The following LRP4 variants were observed in gnomAD, a reference collection of about 807,000 sequenced individuals.
LRP4 encodes low-density lipoprotein receptor-related protein 4.
In LRP4, 95 loss-of-function variants were observed where a neutral mutation model predicts 220.3. That is an observed-to-expected ratio of 0.43 (90% CI 0.37 to 0.51). LRP4 has a LOEUF of 0.51. Among genes scored for constraint, LRP4 ranks in the 20% least tolerant of loss-of-function variants. The pLI, the probability that LRP4 is intolerant of heterozygous loss-of-function variation, is 0.00. For missense variants in LRP4, 1,925 were observed against 2,567.0 expected (o/e 0.75, Z 5.40); for synonymous variants, 903 against 954.6 (o/e 0.95, Z 1.00).
intron 1 of LRP4, among the ~76,000 whole-genome samples, chr11:46,904,550 T>G (rs1266749872): frequency 6.6e-6 from 1 of 152,124 alleles, no homozygotes; most frequent in Non-Finnish European, 1.5e-5. Context: ...TTGGGTTCTG[T>G]GAATCCCTGA....
chr11:46,896,072 G>C (rs1183902265), intron 9 of LRP4, 54 bp from the exon 10 acceptor site: 4 of 1,613,246 alleles, frequency 2.5e-6, no homozygotes, highest in Non-Finnish European at 2.5e-6. Context: ...CCCCCAGAGA[G>C]CCAACTTGGC....
Position 46,873,015 on chromosome 11 carries a change from C to A in LRP4, c.4583+85G>T. The A allele has an allele frequency of 6.4e-7, 1 of 1,568,026 alleles. No homozygotes were observed. Among genetic ancestry groups the A allele is most frequent in the Admixed American group, 1.7e-5 (1 of 59,956 alleles). Reference sequence around the variant, plus strand: ...CCCCACATACCAAGAAGCTTTCTATCTTTTCATTTTTCCAAGGTTAATCTC... The same window carrying A: ...CCCCACATACCAAGAAGCTTTCTATATTTTCATTTTTCCAAGGTTAATCTC... On this transcript the variant is annotated intron_variant, in intron 30 of 37. Transcript: ENST00000378623. The surrounding 1 kb of genome is among the most constrained non-coding windows in gnomAD (Gnocchi z 4.2).
intron 1 of LRP4, among the ~76,000 whole-genome samples, chr11:46,910,744 G>C (rs906952567): frequency 1.5e-5 from 2 of 137,702 alleles, no homozygotes; most frequent in African/African-American, 5.5e-5. Flanking sequence ...CACAATCTCA[G>C]CTTACTGCAA....
At chr11:46,876,989 C>T (rs1481450355) in intron 23 of LRP4, among the ~76,000 whole-genome samples, 159 bp from the exon 24 acceptor site, 1 of 152,180 alleles carries the variant, frequency 6.6e-6, no homozygotes, top group Non-Finnish European at 1.5e-5. Context: ...CAGGATAGCT[C>T]TTGGCAGAGA....
At position 46,860,691 on chromosome 11, in the gene LRP4, G is replaced by T. The variant is rs1321961673; in HGVS notation, c.5386-1376C>A. ...TTGATGATTATACAATATAAAACAT[G>T]GTCCCTGCCCTCTGAGAGTGACAGT... On this transcript the variant is annotated intron_variant, in intron 37 of 37. Coordinates refer to ENST00000378623, the MANE Select transcript of LRP4 (RefSeq NM_002334.4). Among the ~76,000 whole-genome samples, 5 of 152,224 alleles carry T rather than the reference G, an allele frequency of 3.3e-5. No homozygotes were observed. In the East Asian group the frequency reaches 7.7e-4, roughly 24 times the overall value.
intron 10 of LRP4, 58 bp from the exon 11 acceptor site, chr11:46,895,349 C>T: frequency 6.2e-7 from 1 of 1,602,696 alleles, no homozygotes. Flanking sequence ...ACTCCCGCTC[C>T]CAGGCTGCCG....
chr11:46,899,430 G>A lies in LRP4; in HGVS notation c.504C>T (p.Asp168=), dbSNP rs749048211. The change falls in exon 5 of 38, where the codon GAC becomes GAT. Residue 168 remains aspartate (D), a synonymous_variant. Transcript: ENST00000378623. This position sits in a 1 kb window ranked among gnomAD's most constrained non-coding sequence, Gnocchi z 5.9. The stretch of plus-strand genomic sequence containing the variant: ...AGCCATCTTTGCAGTCGGTGTCACC[G>A]TCGCAGTACCAATGCTCAGCAATGC... ...GSCIAEHWYC[D]GDTDCKDGSD... 4.6e-5 allele frequency: 74 copies of A among 1,614,012 alleles called. No homozygotes were observed. Among genetic ancestry groups the A allele is most frequent in the Non-Finnish European group, 5.9e-5 (70 of 1,180,016 alleles).
intron 20 of LRP4, among the ~76,000 whole-genome samples, chr11:46,881,277 A>C (rs1253635483): frequency 6.6e-6 from 1 of 152,154 alleles, no homozygotes. Context: ...TGATAAAGCA[A>C]ATGTGGCAAA....
At chr11:46,911,023 G>C (rs1187789611) in intron 1 of LRP4, among the ~76,000 whole-genome samples, 1 of 152,102 alleles carries the variant, frequency 6.6e-6, no homozygotes, top group Non-Finnish European at 1.5e-5. Context: ...GCCAAGGACA[G>C]GAGAGAGAAT....
rs773234882 is a variant in LRP4, at chr11:46,896,012, C to T, written c.1055G>A (p.Arg352Gln). 18 of 1,613,992 alleles carry T rather than the reference C, an allele frequency of 1.1e-5. No individual in the cohort carries two copies. The highest frequency in any genetic ancestry group is 6.7e-5 in the Admixed American group (4 of 60,008). The change falls in exon 10 of 38, where the codon CGG becomes CAG. Residue 352 changes from arginine to glutamine, a missense_variant. By Grantham distance (43) the Arg-to-Gln change is conservative. Coordinates refer to ENST00000378623, the MANE Select transcript of LRP4 (RefSeq NM_002334.4). Reference protein sequence around the residue: ...DESPQQNCRPRTGEENCNVNN... With the variant: ...DESPQQNCRPQTGEENCNVNN... ...AACATTGCAGTTCTCCTCACCCGTC[C>T]GGGGCCCTGTGCCAGCCAAGCCAGA...
chr11:46,875,014 T>G lies in LRP4; in HGVS notation c.4015A>C (p.Ile1339Leu). 2 of 1,614,148 alleles carry G rather than the reference T, an allele frequency of 1.2e-6. No homozygotes were observed. The highest frequency in any genetic ancestry group is 1.7e-6 in the Non-Finnish European group (2 of 1,180,030). Residue 1339 changes from isoleucine to leucine, a missense_variant, in exon 28 of 38, where the codon ATC becomes CTC. By Grantham distance (5) the Ile-to-Leu change is conservative. Around this residue, in one of 3 missense-constraint regions of LRP4, gnomAD observed 1,244 missense variants for 1,624.9 expected, o/e 0.77. Coordinates refer to ENST00000378623, the MANE Select transcript of LRP4 (RefSeq NM_002334.4). This position sits in a 1 kb window ranked among gnomAD's most constrained non-coding sequence, Gnocchi z 4.5. Reference sequence around the variant, plus strand: ...GTCTTCCCATCTCCCTTCAGCTGGATGCCAGTGGGGCAGGCACAGGAGAAG... The same window carrying G: ...GTCTTCCCATCTCCCTTCAGCTGGAGGCCAGTGGGGCAGGCACAGGAGAAG... ...SGFSCACPTG[I>L]QLKGDGKTCD...
At position 46,859,001 on chromosome 11, in the gene LRP4, G is replaced by A; in HGVS notation, c.5700C>T (p.Ser1900=). The A allele has an allele frequency of 6.2e-7, 1 of 1,614,050 alleles. No homozygotes were observed. Among genetic ancestry groups the A allele is most frequent in the Admixed American group, 1.7e-5 (1 of 60,012 alleles). Residue 1900 remains serine (S), a synonymous_variant, in exon 38 of 38, where the codon TCC becomes TCT. Coordinates refer to ENST00000378623, the MANE Select transcript of LRP4 (RefSeq NM_002334.4). ...TGGGCATTTAGACCTGGCTCTCTGAGGAGAGCTTGCGTTCATGTTTCCAGC... is the reference window on the plus strand; with the variant it reads ...TGGGCATTTAGACCTGGCTCTCTGAAGAGAGCTTGCGTTCATGTTTCCAGC... The part of the protein sequence containing the change: ...DTGWKHERKL[S]SESQV
At chr11:46,892,201 G>A (rs1309093690) in intron 13 of LRP4, among the ~76,000 whole-genome samples, 1 of 152,162 alleles carries the variant, frequency 6.6e-6, no homozygotes, top group Non-Finnish European at 1.5e-5. Context: ...CAAAAGTGCT[G>A]GAATTATAGG....
chr11:46,912,954 T>C (rs1448679191), intron 1 of LRP4, among the ~76,000 whole-genome samples: 1 of 152,122 alleles, frequency 6.6e-6, no homozygotes, highest in Non-Finnish European at 1.5e-5. Flanking sequence ...TTTCCGGCTC[T>C]GCTTGCCGCT....
At chr11:46,895,759 T>C (rs1941514463) in intron 10 of LRP4, 125 bp downstream of exon 10, 1 of 1,357,714 alleles carries the variant, frequency 7.4e-7, no homozygotes, top group Non-Finnish European at 1.0e-6. Flanking sequence ...CCCCACCTCC[T>C]AGGGTTATTG....
Position 46,896,034 on chromosome 11 carries a change from C to G in LRP4, c.1049-16G>C. ...GTCCGGGGCCCTGTGCCAGCCAAGC[C>G]AGAGTTGGGAGTTGAGCCCAGAATC... On this transcript the variant is annotated splice_polypyrimidine_tract_variant and intron_variant, in intron 9 of 37. Transcript: ENST00000378623. 1.9e-6 allele frequency: 3 copies of G among 1,614,062 alleles called. No individual in the cohort carries two copies. The highest frequency in any genetic ancestry group is 2.5e-6 in the Non-Finnish European group (3 of 1,180,042).
At chr11:46,898,300 C>T (rs1479551992) in intron 7 of LRP4, among the ~76,000 whole-genome samples, 1 of 152,236 alleles carries the variant, frequency 6.6e-6, no homozygotes, top group Non-Finnish European at 1.5e-5. Context: ...ATTCTCCTGC[C>T]TCAGCCTCCC....
At chr11:46,863,008 C>T in intron 36 of LRP4, 1 of 491,016 alleles carries the variant, frequency 2.0e-6, no homozygotes, top group East Asian at 3.9e-5. Context: ...TGCCCTCCCT[C>T]ATTCTCTTTT....
chr11:46,876,116 A>G (rs1941007772), intron 25 of LRP4, 150 bp from the exon 26 acceptor site: 1 of 808,942 alleles, frequency 1.2e-6, no homozygotes, highest in Non-Finnish European at 2.1e-6. Context: ...AAAATACTTC[A>G]TGTGCATTAT....
Sources: gnomAD v4.1 joint callset for allele counts (sites outside exome capture counted in the v4.1 genomes callset) on GRCh38, gnomAD v4.1.1 for gene constraint, gnomAD v4.1.1 regional missense constraint, Gnocchi (gnomAD v3.1) non-coding constraint, MANE v1.5 for transcripts, NCBI Gene and HGNC (gene_info 2026-07-23, HGNC 2026-07-21) for gene names.